The following GFM1 variants were observed in gnomAD, a reference collection of about 807,000 sequenced individuals.
GFM1 encodes the protein elongation factor G, mitochondrial.
Under a neutral mutation model 96.2 loss-of-function variants are expected in GFM1, and 62 were observed. That is an observed-to-expected ratio of 0.64 (90% CI 0.53 to 0.80). The LOEUF is 0.80. Among genes scored for constraint, GFM1 ranks in the 30% least tolerant of loss-of-function variants. The pLI, the probability that GFM1 is intolerant of heterozygous loss-of-function variation, is 0.00. For missense variants in GFM1, 852 were observed against 916.6 expected, an observed-to-expected ratio of 0.93 and a Z score of 0.91; for synonymous variants, 282 against 312.9, an observed-to-expected ratio of 0.90 and a Z score of 1.04.
At chr3:158,668,639 G>A (rs1338041135) in intron 13 of GFM1, among the ~76,000 whole-genome samples, 3 of 152,250 alleles carry the variant, frequency 2.0e-5, no homozygotes, top group Non-Finnish European at 4.4e-5. Context: ...TTAACAGGAA[G>A]TGTTTCACTG....
intron 13 of GFM1, chr3:158,672,513 T>C (rs1357375756): frequency 1.9e-6 from 3 of 1,612,186 alleles, no homozygotes; most frequent in African/African-American, 1.3e-5. Flanking sequence ...CTTGGGCTAC[T>C]CTGGCTTAAC....
intron 16 of GFM1, 118 bp from the exon 17 acceptor site, chr3:158,691,021 C>A: frequency 4.1e-6 from 3 of 727,692 alleles, no homozygotes; most frequent in Middle Eastern, 3.6e-4. Flanking sequence ...TTATTTTAAA[C>A]TAAGAGTAGT....
At chr3:158,655,826 C>T (rs1472744933) in intron 8 of GFM1, 13 of 452,732 alleles carry the variant, frequency 2.9e-5, no homozygotes, top group Non-Finnish European at 4.4e-5. Flanking sequence ...GTCCTTTTTC[C>T]GTCTCACTAG....
chr3:158,683,792 A>G (rs1219947528), intron 14 of GFM1, among the ~76,000 whole-genome samples: 1 of 152,230 alleles, frequency 6.6e-6, no homozygotes, highest in Non-Finnish European at 1.5e-5. Flanking sequence ...AGATGAGGTT[A>G]TGAGAAAGTG....
At chr3:158,672,580 C>T in intron 13 of GFM1, 1 of 1,434,296 alleles carries the variant, frequency 7.0e-7, no homozygotes. Flanking sequence ...GTTGCCGAGG[C>T]GGAAAAGTCG....
At position 158,646,334 on chromosome 3, in the gene GFM1, G is replaced by T. The variant is rs759266378; in HGVS notation, c.367+37G>T. The T allele has an allele frequency of 2.5e-6, 4 of 1,611,012 alleles. No homozygotes were observed. In the Admixed American group the frequency reaches 6.7e-5, roughly 27 times the overall value. On this transcript the variant is annotated intron_variant, in intron 3 of 17. Transcript: ENST00000486715. ...TCTTGGTTTTATTGCAGCTTCTTTG[G>T]CAAAAGCACATTTGGTTCTTTCTCT...
Position 158,691,319 on chromosome 3 carries a change from T to C in GFM1, c.2125-17T>C, listed in dbSNP as rs550578105. ...AACAAACAAACAAAAAACCCTCTCT[T>C]TTTTTTAAATCCCTAGGGAAAGGGA... On this transcript the variant is annotated splice_polypyrimidine_tract_variant and intron_variant, in intron 17 of 17. Transcript: ENST00000486715. 59 of 1,613,584 alleles carry C rather than the reference T, an allele frequency of 3.7e-5. No homozygotes were observed. The highest frequency in any genetic ancestry group is 4.8e-5 in the Non-Finnish European group (57 of 1,179,780).
At chr3:158,690,857 C>T (rs899207044) in intron 16 of GFM1, among the ~76,000 whole-genome samples, 1 of 152,204 alleles carries the variant, frequency 6.6e-6, no homozygotes, top group African/African-American at 2.4e-5. Context: ...GCTGGGGCTA[C>T]AGAGCGGAGT....
chr3:158,645,740 C>T lies in GFM1; in HGVS notation c.193C>T (p.Arg65Ter), dbSNP rs62286651. ...TTCTGGGAAAACTACATTAACAGAA[C>T]GAGTCCTTTACTACACTGGCAGAAT... Reference protein sequence around the residue: ...IDSGKTTLTERVLYYTGRIAK... With the variant: ...IDSGKTTLTE The change falls in exon 2 of 18, where the codon CGA (arginine) becomes TGA (stop). Residue 65 changes from arginine (R) to a stop codon, truncating the protein, a stop_gained. Transcript: ENST00000486715. LOFTEE classifies it high-confidence loss of function. 5.6e-6 allele frequency: 9 copies of T among 1,611,852 alleles called. No individual in the cohort carries two copies. Among genetic ancestry groups the T allele is most frequent in the Admixed American group, 1.7e-5 (1 of 59,984 alleles).
chr3:158,686,025 A>T (rs1042933064), intron 15 of GFM1, among the ~76,000 whole-genome samples: 11 of 151,892 alleles, frequency 7.2e-5, no homozygotes, highest in Non-Finnish European at 2.9e-5. Flanking sequence ...ATGGTTATCA[A>T]TTAACAAGGA....
chr3:158,657,701 G>T (rs1722880144), intron 8 of GFM1, among the ~76,000 whole-genome samples: 1 of 151,616 alleles, frequency 6.6e-6, no homozygotes, highest in Non-Finnish European at 1.5e-5. Flanking sequence ...TGTTTTAGTG[G>T]GTAGGATCTA....
At chr3:158,645,813 A>C (rs764060855) in intron 2 of GFM1, 32 bp downstream of exon 2, 5 of 1,559,822 alleles carry the variant, frequency 3.2e-6, no homozygotes, top group Non-Finnish European at 4.4e-6. Flanking sequence ...CGGATTAATT[A>C]GAACCAGATT....
In GFM1 at chr3:158,662,627, G is replaced by A. The variant is rs1289918206; in HGVS notation, c.1324-1G>A. 6.4e-7 allele frequency: 1 copy of A among 1,573,062 alleles called. No individual in the cohort carries two copies. ...CTGTTTTCTTTTAAAAAATATTTTA[G>A]GAGTCAATTCATGTTCCTGATCCTG... On this transcript the variant is annotated splice_acceptor_variant, in intron 10 of 17. Transcript: ENST00000486715. LOFTEE classifies it high-confidence loss of function.
At chr3:158,685,458 C>G (rs1355867503) in intron 15 of GFM1, 1 of 152,130 alleles carries the variant, frequency 6.6e-6, no homozygotes, top group East Asian at 1.9e-4. Flanking sequence ...TCAGAAATAT[C>G]TTTATCAAAG....
chr3:158,658,293 A>T (rs1722930742), intron 8 of GFM1, among the ~76,000 whole-genome samples: 1 of 149,932 alleles, frequency 6.7e-6, no homozygotes. Context: ...CAGCTTCCCG[A>T]GTAGCTGGGA....
At chr3:158,675,775 T>A (rs776337705) in intron 13 of GFM1, among the ~76,000 whole-genome samples, 4 of 152,202 alleles carry the variant, frequency 2.6e-5, no homozygotes, top group Non-Finnish European at 4.4e-5. Flanking sequence ...TTACATAATG[T>A]TCAATTAGTC....
Position 158,679,910 on chromosome 3 carries a change from G to A in GFM1, c.1602-2085G>A, listed in dbSNP as rs79814545. 8.8e-3 allele frequency among the ~76,000 whole-genome samples: 1,340 copies of A among 152,212 alleles called. 24 individuals carry two copies. The highest frequency in any genetic ancestry group is 0.029 in the African/African-American group (1,218 of 41,516). On this transcript the variant is annotated intron_variant, in intron 13 of 17. Transcript: ENST00000486715. ...CCTTATGAATGCAGTCACCATCTCT[G>A]TATATCAAAGCTAGTAACATAGGTT... is the stretch of plus-strand genomic sequence containing the variant.
At chr3:158,648,902 A>G in intron 4 of GFM1, 139 bp from the exon 5 acceptor site, 2 of 630,060 alleles carry the variant, frequency 3.2e-6, no homozygotes, top group Non-Finnish European at 2.9e-6. Context: ...GCTGCTTTAT[A>G]TTTTCTGTTC....
At chr3:158,672,437 G>A in intron 13 of GFM1, 3 of 1,614,074 alleles carry the variant, frequency 1.9e-6, no homozygotes, top group Non-Finnish European at 2.5e-6. Context: ...GTGCCACCAA[G>A]GCCGCCCTGG....
Sources: gnomAD v4.1 joint callset for allele counts (sites outside exome capture counted in the v4.1 genomes callset) on GRCh38, gnomAD v4.1.1 for gene constraint, MANE v1.5 for transcripts, NCBI Gene and HGNC (gene_info 2026-07-23, HGNC 2026-07-21) for gene names.